Variants in ZNF66 observed in about 807,000 individuals in gnomAD.
ZNF66 encodes zinc finger protein 66, also known as putative zinc finger protein 66.
In ZNF66, 32 loss-of-function variants were observed where a neutral mutation model predicts 35.2. That is an observed-to-expected ratio of 0.91 (90% CI 0.69 to 1.22). The LOEUF is 1.22. ZNF66 is among the 50% of genes most tolerant of loss of function. The pLI, the probability that ZNF66 is intolerant of heterozygous loss-of-function variation, is 0.00. For synonymous variants in ZNF66, 231 were observed against 181.3 expected (o/e 1.27, Z -2.20); for missense variants, 666 against 543.1 (o/e 1.23, Z -2.25).
At chr19:20,785,602 T>G (rs10420292) in intron 1 of ZNF66, among the ~76,000 whole-genome samples, 1 of 151,940 alleles carries the variant, frequency 6.6e-6, no homozygotes, top group Admixed American at 6.5e-5. Flanking sequence ...CATCTTTGTA[T>G]TCTGTTAAAC....
In ZNF66 at chr19:20,809,037, G is replaced by A. The variant is rs1436052524; in HGVS notation, c.*1715G>A. 2.0e-5 allele frequency among the ~76,000 whole-genome samples: 3 copies of A among 152,194 alleles called. No homozygotes were observed. Among genetic ancestry groups the A allele is most frequent in the Non-Finnish European group, 4.4e-5 (3 of 68,038 alleles). ...AAGGATCAAGAACTACGTGAAGAAT[G>A]CAGAAGCCTCAGGAGCCAATGCGAT... On this transcript the variant is annotated 3_prime_UTR_variant, in exon 4 of 4. Coordinates refer to ENST00000344519, the MANE Select transcript of ZNF66 (RefSeq NM_001355197.2).
In ZNF66 at chr19:20,806,154, C is replaced by T. The variant is rs1160338074; in HGVS notation, c.554C>T (p.Ser185Phe). 18 of 1,200,422 alleles carry T rather than the reference C, an allele frequency of 1.5e-5. No individual in the cohort carries two copies. The highest frequency in any genetic ancestry group is 2.1e-5 in the Non-Finnish European group (17 of 805,530). The allele number at this position is 1,200,422 out of a possible 1,614,324, so 74.4% of individuals were successfully genotyped here. Residue 185 changes from serine (S) to phenylalanine (F), a missense_variant, in exon 4 of 4, where the codon TCC becomes TTC. Ser to Phe is a radical substitution (Grantham distance 155). Transcript: ENST00000344519. ...GAATGTGGCAAAGCTTTTAACCGGT[C>T]CTCAACCTTTACTACACATAAGAAA... ...FTECGKAFNR[S>F]STFTTHKKIH...
intron 3 of ZNF66, among the ~76,000 whole-genome samples, chr19:20,796,566 A>G (rs1168433244): frequency 6.6e-6 from 1 of 152,202 alleles, no homozygotes; most frequent in Non-Finnish European, 1.5e-5. Context: ...GTCTAACCCT[A>G]TTCTGCAAAT....
intron 1 of ZNF66, among the ~76,000 whole-genome samples, chr19:20,791,772 A>G (rs940805573): frequency 1.3e-5 from 2 of 152,134 alleles, no homozygotes; most frequent in Admixed American, 6.5e-5. Flanking sequence ...CATCATAAAA[A>G]TTTGTCCTAG....
At chr19:20,780,213 CT>C (rs1342353673) in intron 1 of ZNF66, among the ~76,000 whole-genome samples, 1 of 152,140 alleles carries the variant, frequency 6.6e-6, no homozygotes, top group African/African-American at 2.4e-5. Context: ...AGAGCACTAT[CT>C]TAGTCATAAT....
chr19:20,803,262 ATTG>A (rs1362968836), intron 3 of ZNF66, among the ~76,000 whole-genome samples: 1 of 150,842 alleles, frequency 6.6e-6, no homozygotes, highest in African/African-American at 2.4e-5. Flanking sequence ...AACTTATTTT[ATTG>A]TTTTATTTTA....
chr19:20,780,060 A>G (rs10414532), intron 1 of ZNF66, among the ~76,000 whole-genome samples: 14,103 of 151,738 alleles, frequency 0.093, 658 homozygotes, highest in Middle Eastern at 0.11. Flanking sequence ...GCTGTTAGCC[A>G]AGATCGCATC....
At chr19:20,790,420 A>G (rs1367689801) in intron 1 of ZNF66, among the ~76,000 whole-genome samples, 2 of 150,670 alleles carry the variant, frequency 1.3e-5, no homozygotes, top group African/African-American at 4.9e-5. Flanking sequence ...GGCCTATTCT[A>G]TTTGGGTTTG....
intron 1 of ZNF66, among the ~76,000 whole-genome samples, chr19:20,790,314 CAT>C (rs200538466): frequency 0.013 from 2,018 of 152,246 alleles, 24 homozygotes; most frequent in African/African-American, 0.045. Flanking sequence ...TGAAGGGCCT[CAT>C]GTGACTCTAA....
intron 3 of ZNF66, among the ~76,000 whole-genome samples, chr19:20,802,372 ATCAC>A (rs905648487): frequency 6.6e-6 from 1 of 152,080 alleles, no homozygotes; most frequent in African/African-American, 2.4e-5. Context: ...TGGAGTTAAA[ATCAC>A]TCACCTCGAC....
At chr19:20,785,965 T>C (rs1338263179) in intron 1 of ZNF66, among the ~76,000 whole-genome samples, 7 of 152,100 alleles carry the variant, frequency 4.6e-5, no homozygotes, top group Non-Finnish European at 7.4e-5. Context: ...TTTCACTGTG[T>C]TGGCTAAGCT....
In ZNF66 at chr19:20,807,140, T is replaced by C. The variant is rs1029083077; in HGVS notation, c.1540T>C (p.Cys514Arg). 1 of 796,696 alleles carries C rather than the reference T, an allele frequency of 1.3e-6. No homozygotes were observed. The highest frequency in any genetic ancestry group is 2.2e-6 in the Non-Finnish European group (1 of 449,080). 49.4% of individuals were successfully genotyped at this position (796,696 alleles called of 1,614,324 possible). Residue 514 changes from cysteine (C) to arginine (R), a missense_variant, in exon 4 of 4, where the codon TGT (cysteine) becomes CGT (arginine). By Grantham distance (180) the Cys-to-Arg change is radical. Coordinates refer to ENST00000344519, the MANE Select transcript of ZNF66 (RefSeq NM_001355197.2). ...TADKPYKCEE[C>R]GKDFKYSSTL... The stretch of plus-strand genomic sequence containing the variant: ...AGATAAACCCTACAAATGTGAAGAA[T>C]GTGGCAAAGACTTTAAGTACTCCTC...
chr19:20,807,924 C>G lies in ZNF66; in HGVS notation c.*602C>G, dbSNP rs545478785. On this transcript the variant is annotated 3_prime_UTR_variant, in exon 4 of 4. Coordinates refer to ENST00000344519, the MANE Select transcript of ZNF66 (RefSeq NM_001355197.2). ...GCAGGGCGAGGCATTGCCTCACTCA[C>G]GAAGCGCAAGGAGTCAGGGAGTTCC... 7.2e-5 allele frequency among the ~76,000 whole-genome samples: 11 copies of G among 152,172 alleles called. No homozygotes were observed. The highest frequency in any genetic ancestry group is 1.5e-4 in the Non-Finnish European group (10 of 68,038).
chr19:20,792,401 C>T (rs747767688), intron 1 of ZNF66, 111 bp from the exon 2 acceptor site: 9 of 955,056 alleles, frequency 9.4e-6, no homozygotes, highest in Non-Finnish European at 1.2e-5. Flanking sequence ...TAACTTTAGT[C>T]AGTCCTATAA....
intron 3 of ZNF66, 68 bp from the exon 4 acceptor site, chr19:20,805,754 ATAGGT>A (rs2144918435): frequency 2.2e-6 from 1 of 456,066 alleles, no homozygotes; most frequent in South Asian, 6.7e-5. Context: ...GTATAATTTT[ATAGGT>A]TAGATTTGTA....
intron 1 of ZNF66, among the ~76,000 whole-genome samples, chr19:20,788,383 C>T (rs1005798669): frequency 5.3e-5 from 8 of 152,092 alleles, no homozygotes; most frequent in Non-Finnish European, 1.2e-4. Context: ...GTCTACATCT[C>T]AAGGCATATT....
intron 1 of ZNF66, among the ~76,000 whole-genome samples, chr19:20,788,432 G>A (rs977639224): frequency 2.0e-5 from 3 of 151,972 alleles, no homozygotes; most frequent in Admixed American, 6.6e-5. Flanking sequence ...ATTTTGAGAC[G>A]GAGTCTGTGT....
At chr19:20,796,488 CT>C (rs572727385) in intron 3 of ZNF66, among the ~76,000 whole-genome samples, 2 of 151,844 alleles carry the variant, frequency 1.3e-5, no homozygotes, top group South Asian at 2.1e-4. Flanking sequence ...GGATTTTCAT[CT>C]TTTTTTTAGC....
At chr19:20,801,422 C>T (rs1318506859) in intron 3 of ZNF66, among the ~76,000 whole-genome samples, 1 of 151,468 alleles carries the variant, frequency 6.6e-6, no homozygotes, top group African/African-American at 2.4e-5. Context: ...CAGCTCACTG[C>T]AATCTTCACC....
Sources: gnomAD v4.1 joint callset for allele counts (sites outside exome capture counted in the v4.1 genomes callset) on GRCh38, gnomAD v4.1.1 for gene constraint, MANE v1.5 for transcripts, NCBI Gene and HGNC (gene_info 2026-07-23, HGNC 2026-07-21) for gene names.